MYO3B: variants seen among roughly 807,000 people sequenced by gnomAD.
MYO3B encodes myosin-IIIb.
MYO3B carries 156 observed loss-of-function variants against 174.6 expected under a neutral mutation model. The observed-to-expected ratio is 0.89, with a 90% CI of 0.78 to 1.02. The LOEUF is 1.02. Ranked by LOEUF, MYO3B falls within the 50% of genes least tolerant of loss-of-function variation. The pLI is 0.00. For synonymous variants in MYO3B, 563 were observed against 569.1 expected, an observed-to-expected ratio of 0.99 and a Z score of 0.15; for missense variants, 1,632 against 1,639.4, an observed-to-expected ratio of 1.00 and a Z score of 0.08.
chr2:170,626,181 G>C (rs1696408796), intron 32 of MYO3B, among the ~76,000 whole-genome samples: 1 of 151,910 alleles, frequency 6.6e-6, no homozygotes, highest in Non-Finnish European at 1.5e-5. Context: ...ATTATTGTGT[G>C]GGAGTCTAAG....
intron 7 of MYO3B, among the ~76,000 whole-genome samples, chr2:170,298,362 C>T (rs1209196662): frequency 1.3e-5 from 2 of 152,040 alleles, no homozygotes; most frequent in Non-Finnish European, 2.9e-5. Flanking sequence ...AATTCTTAAA[C>T]TAAAGGACTA....
chr2:170,472,669 T>G (rs568117106), intron 25 of MYO3B, among the ~76,000 whole-genome samples: 85 of 142,014 alleles, frequency 6.0e-4, no homozygotes, highest in Non-Finnish European at 9.6e-4. Flanking sequence ...AGCTCACTTT[T>G]TATCTATTTA....
At chr2:170,301,206 AC>A (rs2093663109) in intron 7 of MYO3B, among the ~76,000 whole-genome samples, 1 of 152,226 alleles carries the variant, frequency 6.6e-6, no homozygotes, top group African/African-American at 2.4e-5. Flanking sequence ...AGTTATCTGC[AC>A]CAGCTGCTCA....
chr2:170,221,328 A>G (rs533674011), intron 6 of MYO3B, among the ~76,000 whole-genome samples: 5 of 152,252 alleles, frequency 3.3e-5, no homozygotes, highest in African/African-American at 1.2e-4. Flanking sequence ...TTTTTGAGGA[A>G]TTGAACCAAA....
chr2:170,368,535 G>A (rs1018637709), intron 8 of MYO3B, among the ~76,000 whole-genome samples: 5 of 152,136 alleles, frequency 3.3e-5, no homozygotes, highest in African/African-American at 4.8e-5. Context: ...TAGTTATGCC[G>A]GTATGATTTT....
At chr2:170,353,088 A>G (rs1206517187) in intron 8 of MYO3B, among the ~76,000 whole-genome samples, 2 of 152,352 alleles carry the variant, frequency 1.3e-5, no homozygotes, top group Non-Finnish European at 2.9e-5. Context: ...ACTTATATAC[A>G]CATAAAAATC....
intron 30 of MYO3B, among the ~76,000 whole-genome samples, chr2:170,540,662 C>CAAAA (rs146736182): frequency 1.4e-5 from 2 of 143,438 alleles, no homozygotes; most frequent in African/African-American, 5.2e-5. Context: ...AAACAAAAAA[C>CAAAA]AACAAAAAAA....
At chr2:170,555,720 A>G (rs1201801509) in intron 32 of MYO3B, among the ~76,000 whole-genome samples, 1 of 152,070 alleles carries the variant, frequency 6.6e-6, no homozygotes, top group African/African-American at 2.4e-5. Flanking sequence ...AAAAATTTAA[A>G]TATTAGCCAA....
At chr2:170,438,061 A>T (rs1574978045) in intron 22 of MYO3B, among the ~76,000 whole-genome samples, 1 of 152,066 alleles carries the variant, frequency 6.6e-6, no homozygotes, top group Admixed American at 6.6e-5. Flanking sequence ...AAAACTCAAT[A>T]CCCACTGAAT....
At chr2:170,403,403 A>G (rs1379138329) in intron 19 of MYO3B, among the ~76,000 whole-genome samples, 1 of 152,166 alleles carries the variant, frequency 6.6e-6, no homozygotes, top group Non-Finnish European at 1.5e-5. Context: ...ACCAGATCCC[A>G]CAGTCACTGG....
At chr2:170,210,724 T>C (rs1351363400) in intron 3 of MYO3B, among the ~76,000 whole-genome samples, 1 of 152,238 alleles carries the variant, frequency 6.6e-6, no homozygotes, top group Non-Finnish European at 1.5e-5. Flanking sequence ...TGACAACATC[T>C]GCATTTTACC....
rs867476096 is a variant in MYO3B at position 170,230,255 on chromosome 2, C to T, written c.604-5736C>T. On this transcript the variant is annotated intron_variant, in intron 6 of 34. Transcript: ENST00000408978. ...AGTGATCTTGGCTCACTGCAACCTC[C>T]GCCTCCCATGTTCAAGCAATTCTCT... 1.3e-4 allele frequency among the ~76,000 whole-genome samples: 20 copies of T among 150,368 alleles called. No individual in the cohort carries two copies. The Middle Eastern group carries it at 0.01, about 77-fold the overall frequency.
At chr2:170,651,595 A>G in intron 32 of MYO3B, 33 bp from the exon 33 acceptor site, 7 of 1,584,050 alleles carry the variant, frequency 4.4e-6, no homozygotes, top group Non-Finnish European at 6.1e-6. Flanking sequence ...AACACCTCGG[A>G]CAGTTTACAG....
chr2:170,248,569 A>C (rs2093217240), intron 7 of MYO3B, among the ~76,000 whole-genome samples: 1 of 151,928 alleles, frequency 6.6e-6, no homozygotes, highest in Admixed American at 6.6e-5. Context: ...TCTAGGGGAG[A>C]ATCTGTTTTC....
At chr2:170,190,105 C>T (rs973966138) in intron 1 of MYO3B, among the ~76,000 whole-genome samples, 2 of 152,160 alleles carry the variant, frequency 1.3e-5, no homozygotes, top group African/African-American at 4.8e-5. Flanking sequence ...CATATAGGTA[C>T]CACCATGGTG....
At chr2:170,389,852 A>G (rs368387297) in intron 14 of MYO3B, among the ~76,000 whole-genome samples, 1 of 152,108 alleles carries the variant, frequency 6.6e-6, no homozygotes, top group East Asian at 1.9e-4. Flanking sequence ...CAGAATATAT[A>G]TAATATTTAA....
At chr2:170,420,972 G>A (rs535478522) in intron 22 of MYO3B, among the ~76,000 whole-genome samples, 4 of 152,160 alleles carry the variant, frequency 2.6e-5, no homozygotes, top group Admixed American at 2.0e-4. Flanking sequence ...GTCTGGGTTG[G>A]GTAAAATTCC....
At chr2:170,563,372 A>G (rs566141037) in intron 32 of MYO3B, among the ~76,000 whole-genome samples, 6 of 152,338 alleles carry the variant, frequency 3.9e-5, no homozygotes, top group Non-Finnish European at 8.8e-5. Flanking sequence ...TCTGGAATGC[A>G]AAAGGAGAGA....
At chr2:170,305,562 A>T (rs531850665) in intron 7 of MYO3B, among the ~76,000 whole-genome samples, 1 of 152,214 alleles carries the variant, frequency 6.6e-6, no homozygotes, top group South Asian at 2.1e-4. Context: ...GGAGAAAGAG[A>T]TACAGCCTTC....
Sources: gnomAD v4.1 joint callset for allele counts (sites outside exome capture counted in the v4.1 genomes callset) on GRCh38, gnomAD v4.1.1 for gene constraint, MANE v1.5 for transcripts, NCBI Gene and HGNC (gene_info 2026-07-23, HGNC 2026-07-21) for gene names.